Variants in SVEP1 observed in about 807,000 individuals in gnomAD.
SVEP1 encodes the protein sushi, von Willebrand factor type A, EGF and pentraxin domain-containing protein 1.
SVEP1 carries 164 observed loss-of-function variants against 367.3 expected under a neutral mutation model. The ratio of observed to expected loss-of-function variants is 0.45; its 90% CI spans 0.39 to 0.51. The LOEUF is 0.51. Ranked by LOEUF, SVEP1 falls within the 20% of genes least tolerant of loss-of-function variation. The pLI is 0.00. For missense variants in SVEP1, 4,117 were observed against 4,425.3 expected, an observed-to-expected ratio of 0.93 and a Z score of 1.98; for synonymous variants, 1,666 against 1,611.6, an observed-to-expected ratio of 1.03 and a Z score of -0.81.
intron 1 of SVEP1, among the ~76,000 whole-genome samples, chr9:110,553,123 T>C (rs1185511050): frequency 6.6e-6 from 1 of 152,134 alleles, no homozygotes; most frequent in African/African-American, 2.4e-5. Flanking sequence ...ATGAGACAAC[T>C]GGGCATCTCA....
chr9:110,435,464 TAG>T (rs1828419004), intron 28 of SVEP1, 100 bp from the exon 29 acceptor site: 4 of 1,397,724 alleles, frequency 2.9e-6, no homozygotes, highest in Non-Finnish European at 3.9e-6. Context: ...ACAGATTTTT[TAG>T]AGATGGGGGT....
intron 36 of SVEP1, among the ~76,000 whole-genome samples, chr9:110,411,964 C>T (rs987898023): frequency 6.6e-6 from 1 of 152,026 alleles, no homozygotes; most frequent in Non-Finnish European, 1.5e-5. Flanking sequence ...TTCCCAACGA[C>T]TTTATCTTTA....
chr9:110,557,198 C>A (rs1034156351), intron 1 of SVEP1, among the ~76,000 whole-genome samples: 1 of 152,164 alleles, frequency 6.6e-6, no homozygotes, highest in Non-Finnish European at 1.5e-5. Flanking sequence ...AGTATGTTTT[C>A]ATTTTTATCT....
chr9:110,441,414 A>T (rs1225860792), intron 27 of SVEP1, among the ~76,000 whole-genome samples: 1 of 152,226 alleles, frequency 6.6e-6, no homozygotes, highest in Admixed American at 6.5e-5. Context: ...TAAATTCATT[A>T]AACATCCTGA....
At chr9:110,442,100 A>C (rs1171164844) in intron 27 of SVEP1, among the ~76,000 whole-genome samples, 1 of 152,194 alleles carries the variant, frequency 6.6e-6, no homozygotes, top group African/African-American at 2.4e-5. Flanking sequence ...AGAGTTAGGG[A>C]CATATCCACA....
intron 40 of SVEP1, among the ~76,000 whole-genome samples, chr9:110,394,382 T>C (rs570145241): frequency 7.2e-4 from 110 of 152,182 alleles, no homozygotes; most frequent in African/African-American, 2.6e-3. Context: ...CAAAGGTAGA[T>C]ATAACCACAA....
chr9:110,469,974 G>A (rs76348929), intron 16 of SVEP1, among the ~76,000 whole-genome samples: 3,196 of 152,266 alleles, frequency 0.021, 58 homozygotes, highest in Middle Eastern at 0.078. Flanking sequence ...AAACCCAACG[G>A]AGCTCTTGGA....
chr9:110,574,864 G>C (rs1830607516), intron 1 of SVEP1, among the ~76,000 whole-genome samples: 1 of 148,436 alleles, frequency 6.7e-6, no homozygotes, highest in South Asian at 2.1e-4. Flanking sequence ...TCCTGCCTCA[G>C]CCTCCCGAGT....
chr9:110,434,666 TAAA>T (rs71371668), intron 29 of SVEP1, among the ~76,000 whole-genome samples, 160 bp from the exon 30 acceptor site: 6 of 40,612 alleles, frequency 1.5e-4, no homozygotes, highest in African/African-American at 4.1e-4. Flanking sequence ...GCAAAATCAC[TAAA>T]AAAAAAAAAA....
chr9:110,559,693 C>A (rs1168535385), intron 1 of SVEP1, among the ~76,000 whole-genome samples: 1 of 151,918 alleles, frequency 6.6e-6, no homozygotes, highest in Non-Finnish European at 1.5e-5. Context: ...AACTGAAATT[C>A]TACAGCTAAG....
At chr9:110,517,859 T>A (rs1829826159) in intron 3 of SVEP1, among the ~76,000 whole-genome samples, 1 of 151,586 alleles carries the variant, frequency 6.6e-6, no homozygotes, top group Non-Finnish European at 1.5e-5. Flanking sequence ...AGTTTGAGAT[T>A]AGAAAACCTG....
intron 24 of SVEP1, among the ~76,000 whole-genome samples, chr9:110,448,177 G>A (rs77328724): frequency 1.1e-3 from 164 of 152,086 alleles, no homozygotes; most frequent in Middle Eastern, 3.4e-3. Context: ...GCGCTCGCGC[G>A]TGTGTATGCA....
At chr9:110,467,667 G>C (rs1480565593) in intron 17 of SVEP1, among the ~76,000 whole-genome samples, 2 of 143,022 alleles carry the variant, frequency 1.4e-5, no homozygotes, top group African/African-American at 5.2e-5. Flanking sequence ...ATAGGGTCTT[G>C]CTCTGTCCCT....
intron 36 of SVEP1, among the ~76,000 whole-genome samples, chr9:110,416,252 T>C (rs1038558350): frequency 6.6e-6 from 1 of 151,702 alleles, no homozygotes; most frequent in African/African-American, 2.4e-5. Flanking sequence ...AAAAATAGTA[T>C]GAAATAAGTA....
intron 47 of SVEP1, among the ~76,000 whole-genome samples, chr9:110,367,518 A>T (rs1464713515): frequency 6.6e-6 from 1 of 152,188 alleles, no homozygotes; most frequent in African/African-American, 2.4e-5. Flanking sequence ...GGAAAAACTT[A>T]TACGGTAACA....
At position 110,503,181 on chromosome 9, in the gene SVEP1, C is replaced by T. The variant is rs1829565913; in HGVS notation, c.1340G>A (p.Gly447Asp). 1 of 1,613,482 alleles carries T rather than the reference C, an allele frequency of 6.2e-7. No individual in the cohort carries two copies. Among genetic ancestry groups the T allele is most frequent in the Non-Finnish European group, 8.5e-7 (1 of 1,179,784 alleles). The change falls in exon 6 of 48, where the codon GGC becomes GAC. Residue 447 changes from glycine to aspartate, a missense_variant. Transcript: ENST00000374469. Reference sequence around the variant, plus strand: ...TTCCCTTGTAGAACAGCTGATGTGGCCATGTTTCGGCTGGCGGAGATGAGG... The same window carrying T: ...TTCCCTTGTAGAACAGCTGATGTGGTCATGTTTCGGCTGGCGGAGATGAGG... ...TCPHLRQPKHGHISCSTREML... is the reference protein window; with the variant it reads ...TCPHLRQPKHDHISCSTREML...
At chr9:110,370,423 T>G (rs992351650) in intron 46 of SVEP1, among the ~76,000 whole-genome samples, 2 of 152,166 alleles carry the variant, frequency 1.3e-5, no homozygotes, top group Admixed American at 6.5e-5. Flanking sequence ...AGCTCAAGAT[T>G]GTAAATTCCT....
chr9:110,570,467 C>T (rs371498626), intron 1 of SVEP1, among the ~76,000 whole-genome samples: 6 of 146,940 alleles, frequency 4.1e-5, no homozygotes, highest in South Asian at 2.2e-4. Context: ...GTTTCTGTTG[C>T]GTGTGTGTGT....
In SVEP1 at chr9:110,472,219, G is replaced by T. The variant is rs763911828; in HGVS notation, c.2704C>A (p.Arg902=). 5 of 1,613,258 alleles carry T rather than the reference G, an allele frequency of 3.1e-6. No homozygotes were observed. The highest frequency in any genetic ancestry group is 4.2e-6 in the Non-Finnish European group (5 of 1,179,734). The change falls in exon 15 of 48, where the codon CGG becomes AGG. Residue 902 remains arginine (R), a synonymous_variant. Coordinates refer to ENST00000374469, the MANE Select transcript of SVEP1 (RefSeq NM_153366.4). The part of the protein sequence containing the change: ...ATSIGNAKSS[R]IKRSAPLSDY... ...GATAATGGGGCACTTCTTTTAATCC[G>T]TGAGGACTTGGCATTGCCGATGCTT...
Sources: allele counts gnomAD v4.1 joint callset (sites outside exome capture counted in the v4.1 genomes callset), GRCh38; gene constraint gnomAD v4.1.1; transcripts MANE v1.5; gene names NCBI Gene and HGNC (gene_info 2026-07-23, HGNC 2026-07-21).